The following NAALADL2 variants were observed in gnomAD, a reference collection of about 807,000 sequenced individuals.
The protein encoded by NAALADL2 is N-acetylated alpha-linked acidic dipeptidase like 2.
Under a neutral mutation model 87.2 loss-of-function variants are expected in NAALADL2, and 76 were observed. That is an observed-to-expected ratio of 0.87 (90% CI 0.72 to 1.05). The LOEUF is 1.05. Ranked by LOEUF, NAALADL2 falls within the 50% of genes least tolerant of loss-of-function variation. The pLI, the probability that NAALADL2 is intolerant of heterozygous loss-of-function variation, is 0.00. For synonymous variants in NAALADL2, 354 were observed against 331.0 expected, an observed-to-expected ratio of 1.07 and a Z score of -0.75; for missense variants, 1,089 against 945.8, an observed-to-expected ratio of 1.15 and a Z score of -1.99.
intron 5 of NAALADL2, among the ~76,000 whole-genome samples, chr3:175,340,519 C>G (rs1762462748): frequency 1.3e-5 from 2 of 152,114 alleles, no homozygotes; most frequent in South Asian, 4.2e-4. Context: ...TCTATGGGAC[C>G]TAGATCAAGT....
intron 1 of NAALADL2, among the ~76,000 whole-genome samples, chr3:175,045,544 A>G (rs996265339): frequency 5.9e-5 from 9 of 152,184 alleles, no homozygotes; most frequent in Admixed American, 6.6e-5. Flanking sequence ...CAGAGGAACA[A>G]GTTAGCCTCC....
intron 9 of NAALADL2, among the ~76,000 whole-genome samples, chr3:175,567,556 G>T (rs754425140): frequency 6.6e-6 from 1 of 151,986 alleles, no homozygotes; most frequent in South Asian, 2.1e-4. Flanking sequence ...TTCCAATTTG[G>T]CAATGCTACT....
chr3:175,093,997 G>A (rs1720657070), intron 1 of NAALADL2, among the ~76,000 whole-genome samples: 1 of 151,908 alleles, frequency 6.6e-6, no homozygotes, highest in South Asian at 2.1e-4. Flanking sequence ...GCTTTTAAAT[G>A]ATTTATAGAG....
intron 1 of NAALADL2, among the ~76,000 whole-genome samples, chr3:175,044,718 G>A (rs1432804574): frequency 1.3e-5 from 2 of 151,974 alleles, no homozygotes; most frequent in African/African-American, 4.8e-5. Flanking sequence ...AGGTTGTTTG[G>A]GTCCATAGAA....
chr3:174,975,684 G>A (rs1272831236), intron 1 of NAALADL2, among the ~76,000 whole-genome samples: 5 of 152,088 alleles, frequency 3.3e-5, no homozygotes, highest in African/African-American at 1.2e-4. Flanking sequence ...CCTGGAAAGA[G>A]TCTTTCCTTC....
At chr3:174,951,986 A>C (rs752063775) in intron 1 of NAALADL2, among the ~76,000 whole-genome samples, 1 of 152,124 alleles carries the variant, frequency 6.6e-6, no homozygotes, top group African/African-American at 2.4e-5. Flanking sequence ...GCCTCTGAAC[A>C]TGCTTTTTCT....
intron 11 of NAALADL2, among the ~76,000 whole-genome samples, chr3:175,736,605 G>A (rs1305266334): frequency 2.0e-5 from 3 of 152,210 alleles, no homozygotes; most frequent in Non-Finnish European, 4.4e-5. Flanking sequence ...ACTGGCTACA[G>A]ATATCAACAT....
intron 3 of NAALADL2, among the ~76,000 whole-genome samples, chr3:174,800,359 C>A (rs1718678496): frequency 6.6e-6 from 1 of 152,112 alleles, no homozygotes; most frequent in African/African-American, 2.4e-5. Flanking sequence ...ATATAAAGCT[C>A]ATGCTGTTGC....
At chr3:175,601,925 G>A (rs1388194550) in intron 10 of NAALADL2, among the ~76,000 whole-genome samples, 1 of 152,098 alleles carries the variant, frequency 6.6e-6, no homozygotes, top group Non-Finnish European at 1.5e-5. Flanking sequence ...TAAGCTGCGT[G>A]CTTCTTAGAA....
At chr3:175,111,261 A>G (rs1724142514) in intron 2 of NAALADL2, among the ~76,000 whole-genome samples, 1 of 151,760 alleles carries the variant, frequency 6.6e-6, no homozygotes, top group Non-Finnish European at 1.5e-5. Flanking sequence ...AAAAAGAGCT[A>G]CAACACTTAG....
intron 1 of NAALADL2, among the ~76,000 whole-genome samples, chr3:175,002,861 C>G (rs752219752): frequency 2.0e-4 from 31 of 152,166 alleles, no homozygotes; most frequent in Non-Finnish European, 3.7e-4. Context: ...GACAGAATAA[C>G]TGTGCTGGGA....
intron 1 of NAALADL2, among the ~76,000 whole-genome samples, chr3:174,861,063 G>C (rs1208093433): frequency 6.6e-6 from 1 of 151,934 alleles, no homozygotes; most frequent in African/African-American, 2.4e-5. Flanking sequence ...TTTGTAGTTG[G>C]GTAAAACTTG....
intron 1 of NAALADL2, among the ~76,000 whole-genome samples, chr3:174,499,134 T>A (rs1474124873): frequency 6.6e-6 from 1 of 152,072 alleles, no homozygotes; most frequent in Non-Finnish European, 1.5e-5. Context: ...TAGGATTTGG[T>A]ACTATTTGTG....
intron 3 of NAALADL2, among the ~76,000 whole-genome samples, chr3:174,748,174 A>T (rs1734463614): frequency 1.3e-5 from 2 of 151,900 alleles, no homozygotes; most frequent in African/African-American, 4.8e-5. Context: ...GGGTGGAGGG[A>T]GGGAGAGCAT....
chr3:175,491,581 T>C (rs1438306218), intron 9 of NAALADL2, among the ~76,000 whole-genome samples: 1 of 152,220 alleles, frequency 6.6e-6, no homozygotes, highest in East Asian at 1.9e-4. Flanking sequence ...TTCATTTATA[T>C]GAAATTTGAT....
intron 5 of NAALADL2, among the ~76,000 whole-genome samples, chr3:175,441,472 G>T (rs762738188): frequency 6.6e-6 from 1 of 152,090 alleles, no homozygotes. Context: ...AATGATTTAC[G>T]CCAGTGCTGA....
chr3:174,649,825 T>C (rs769812728), intron 2 of NAALADL2, among the ~76,000 whole-genome samples: 6 of 152,198 alleles, frequency 3.9e-5, no homozygotes, highest in Non-Finnish European at 7.4e-5. Flanking sequence ...CTATTTCTTA[T>C]ATCTCTTTTG....
At chr3:175,121,596 A>T (rs924620304) in intron 2 of NAALADL2, among the ~76,000 whole-genome samples, 7 of 151,860 alleles carry the variant, frequency 4.6e-5, no homozygotes. Context: ...AGTCCAGGAA[A>T]TTCCAACATC....
chr3:175,029,215 A>G (rs1023700692), intron 1 of NAALADL2, among the ~76,000 whole-genome samples: 6 of 152,076 alleles, frequency 3.9e-5, no homozygotes, highest in Non-Finnish European at 1.5e-5. Flanking sequence ...TTGTTTTTAT[A>G]CTTCAGCTTT....
Sources: allele counts gnomAD v4.1 joint callset (sites outside exome capture counted in the v4.1 genomes callset), GRCh38; gene constraint gnomAD v4.1.1; transcripts MANE v1.5; gene names NCBI Gene and HGNC (gene_info 2026-07-23, HGNC 2026-07-21).